The following FANCI variants were observed in gnomAD, a reference collection of about 807,000 sequenced individuals.
The protein encoded by FANCI is Fanconi anemia group I protein.
A neutral mutation model predicts 176.1 loss-of-function variants in FANCI; 156 were observed. The ratio of observed to expected loss-of-function variants is 0.89; its 90% CI spans 0.78 to 1.01. The LOEUF is 1.01. Among genes scored for constraint, FANCI ranks in the 50% least tolerant of loss-of-function variants. The pLI, the probability that FANCI is intolerant of heterozygous loss-of-function variation, is 0.00. For synonymous variants in FANCI, 613 were observed against 541.7 expected (o/e 1.13, Z -1.83); for missense variants, 1,678 against 1,534.1 (o/e 1.09, Z -1.57).
In FANCI at chr15:89,316,847, G is replaced by C. The variant is rs1446815923; in HGVS notation, c.*388G>C. 6.4e-7 allele frequency: 1 copy of C among 1,574,684 alleles called. No homozygotes were observed. Among genetic ancestry groups the C allele is most frequent in the Non-Finnish European group, 8.7e-7 (1 of 1,144,128 alleles). On this transcript the variant is annotated 3_prime_UTR_variant, in exon 38 of 38. Coordinates refer to ENST00000310775, the MANE Select transcript of FANCI (RefSeq NM_001113378.2). ...CTTCACCTGAAAGATAGTGCAAATT[G>C]GTTAGGATGCCACCTCAAGAACTGT...
At chr15:89,274,418 A>G (rs968003689) in intron 12 of FANCI, 114 bp downstream of exon 12, 1 of 1,159,792 alleles carries the variant, frequency 8.6e-7, no homozygotes. Context: ...ACAGCTGTTG[A>G]CGTCACACAT....
At position 89,292,732 on chromosome 15, in the gene FANCI, G is replaced by A; in HGVS notation, c.2037G>A (p.Lys679=). The change falls in exon 21 of 38, where the codon AAG becomes AAA. Residue 679 remains lysine (K), a synonymous_variant. Transcript: ENST00000310775. ...CCIQHCLAWY[K]NTVIPLQQGE... is the part of the protein sequence containing the mutation. ...TTCAGCATTGTTTGGCCTGGTATAA[G>A]AATACAGTCATACCCTTACAGCAGG... 6.2e-7 allele frequency: 1 copy of A among 1,613,864 alleles called. No homozygotes were observed. Among genetic ancestry groups the A allele is most frequent in the South Asian group, 1.1e-5 (1 of 91,082 alleles).
At chr15:89,274,037 C>T in intron 11 of FANCI, 131 bp from the exon 12 acceptor site, 1 of 687,228 alleles carries the variant, frequency 1.5e-6, no homozygotes, top group Non-Finnish European at 2.4e-6. Flanking sequence ...CTCATAGGAA[C>T]AGTTATAAGG....
rs765274503 is a variant in FANCI, at chr15:89,263,441, CA to C, written c.528del (p.Gln176HisfsTer11). ...CAGGTGGGATCAGCAATATGTAATCCAACTCACCTCCATGTTCAAGTAAGCA... is the reference window on the plus strand; with the variant it reads ...CAGGTGGGATCAGCAATATGTAATCCACTCACCTCCATGTTCAAGTAAGCA... ...SGRWDQQYVI[Q>X]LTSMFKDVPL... On this transcript the variant is annotated frameshift_variant, in exon 7 of 38. Coordinates refer to ENST00000310775, the MANE Select transcript of FANCI (RefSeq NM_001113378.2). LOFTEE classifies it high-confidence loss of function. The C allele has an allele frequency of 3.7e-6, 6 of 1,612,776 alleles. No individual in the cohort carries two copies. Among genetic ancestry groups the C allele is most frequent in the Non-Finnish European group, 5.1e-6 (6 of 1,179,034 alleles).
At chr15:89,247,492 T>C in intron 1 of FANCI, 137 bp from the exon 2 acceptor site, 1 of 676,890 alleles carries the variant, frequency 1.5e-6, no homozygotes, top group Non-Finnish European at 2.7e-6. Flanking sequence ...AAGAATCAGC[T>C]ACTTAAAGAT....
At chr15:89,289,795 A>G (rs945094200) in intron 18 of FANCI, among the ~76,000 whole-genome samples, 2 of 150,734 alleles carry the variant, frequency 1.3e-5, no homozygotes, top group African/African-American at 4.9e-5. Context: ...GCTCACTGCA[A>G]CCTTCATACC....
At chr15:89,291,753 A>G in intron 20 of FANCI, 39 bp downstream of exon 20, 1 of 1,526,408 alleles carries the variant, frequency 6.6e-7, no homozygotes, top group Non-Finnish European at 9.1e-7. Flanking sequence ...TATTTTTAGT[A>G]TTAAGGATAG....
Position 89,281,238 on chromosome 15 carries a change from G to C in FANCI, c.1450G>C (p.Ala484Pro). 6.2e-7 allele frequency: 1 copy of C among 1,613,846 alleles called. No homozygotes were observed. The highest frequency in any genetic ancestry group is 8.5e-7 in the Non-Finnish European group (1 of 1,179,822). ...LQSCSSKVTE[A>P]FDYLSFLPLQ... ...AAGTTGTTCTTCTAAAGTCACAGAA[G>C]CTTTTGACTATTTGTCCTTTCTGCC... Residue 484 changes from alanine (A) to proline (P), a missense_variant, in exon 15 of 38, where the codon GCT becomes CCT. Around this residue, in one of 3 missense-constraint regions of FANCI, gnomAD observed 1,204 missense variants for 1,077.4 expected, o/e 1.12. Transcript: ENST00000310775.
chr15:89,310,137 G>A (rs1194911724), intron 34 of FANCI, among the ~76,000 whole-genome samples: 1 of 152,178 alleles, frequency 6.6e-6, no homozygotes, highest in Non-Finnish European at 1.5e-5. Flanking sequence ...AGCAGGAATT[G>A]GCACACTTTT....
In FANCI at chr15:89,301,348, G is replaced by T; in HGVS notation, c.2912G>T (p.Ser971Ile). 2.5e-6 allele frequency: 4 copies of T among 1,613,798 alleles called. No individual in the cohort carries two copies. Among genetic ancestry groups the T allele is most frequent in the Non-Finnish European group, 3.4e-6 (4 of 1,179,772 alleles). ...QFQRSLLNLL[S>I]SQEEDFNSKE... ...CAGAGGTCCTTGTTGAATTTACTTA[G>T]CAGTCAAGAGGAAGATTTTAATAGC... is the stretch of plus-strand genomic sequence containing the variant. Residue 971 changes from serine to isoleucine, a missense_variant, in exon 27 of 38, where the codon AGC (serine) becomes ATC (isoleucine). Around this residue, in one of 3 missense-constraint regions of FANCI, gnomAD observed 1,204 missense variants for 1,077.4 expected, o/e 1.12. Coordinates refer to ENST00000310775, the MANE Select transcript of FANCI (RefSeq NM_001113378.2).
rs1047838066 is a variant in FANCI, at chr15:89,247,878, T to C, written c.84+147T>C. 1.7e-5 allele frequency: 12 copies of C among 689,670 alleles called. No homozygotes were observed. The African/African-American group carries it at 2.2e-4, about 12-fold the overall frequency. 42.7% of individuals were successfully genotyped at this position (689,670 alleles called of 1,614,324 possible). Reference sequence around the variant, plus strand: ...CAAGGATTTATTTAATAATAATTTATAGATGTAAAGAAATTGGGGTGAGGG... The same window carrying C: ...CAAGGATTTATTTAATAATAATTTACAGATGTAAAGAAATTGGGGTGAGGG... On this transcript the variant is annotated intron_variant, in intron 2 of 37. Transcript: ENST00000310775.
rs772959965 is a variant in FANCI, at chr15:89,260,788, C to CG, written c.238dup (p.Asp80GlyfsTer9). The CG allele has an allele frequency of 1.2e-6, 2 of 1,613,664 alleles. No individual in the cohort carries two copies. The highest frequency in any genetic ancestry group is 8.5e-7 in the Non-Finnish European group (1 of 1,179,874). On this transcript the variant is annotated frameshift_variant, in exon 4 of 38. Transcript: ENST00000310775. LOFTEE classifies it high-confidence loss of function. ...ACTTGTTGTATCCAGTTGGTGGAAT[C>CG]GGGGGATTTGCAGAAAGAAATAGCG...
Position 89,307,479 on chromosome 15 carries a change from C to T in FANCI, c.3541C>T (p.Leu1181Phe). Reference sequence around the variant, plus strand: ...TCTAGGAATCTTTTTTTATTAGTATCTCCAGGTGTGTCAGAGCTCCGGAGG... The same window carrying T: ...TCTAGGAATCTTTTTTTATTAGTATTTCCAGGTGTGTCAGAGCTCCGGAGG... ...TTLTALVRYY[L>F]QVCQSSGGIP... The change falls in exon 33 of 38, where the codon CTC (leucine) becomes TTC (phenylalanine). Residue 1181 changes from leucine (L) to phenylalanine (F), a missense_variant. Around this residue, in one of 3 missense-constraint regions of FANCI, gnomAD observed 1,204 missense variants for 1,077.4 expected, o/e 1.12. Transcript: ENST00000310775. The T allele has an allele frequency of 3.7e-6, 6 of 1,613,946 alleles. No homozygotes were observed. The highest frequency in any genetic ancestry group is 5.1e-6 in the Non-Finnish European group (6 of 1,179,890).
intron 1 of FANCI, chr15:89,245,437 T>G: frequency 7.1e-6 from 1 of 140,394 alleles, no homozygotes; most frequent in Non-Finnish European, 1.5e-5. Context: ...GACCTAGTGA[T>G]CCGCCCGCCT....
chr15:89,302,946 T>G (rs2054581066), intron 27 of FANCI, among the ~76,000 whole-genome samples: 1 of 152,194 alleles, frequency 6.6e-6, no homozygotes, highest in Non-Finnish European at 1.5e-5. Flanking sequence ...TCAAGAGATT[T>G]ATGGTAAATG....
intron 19 of FANCI, 77 bp downstream of exon 19, chr15:89,290,358 C>T: frequency 2.6e-5 from 29 of 1,136,966 alleles, no homozygotes; most frequent in Non-Finnish European, 3.9e-5. Flanking sequence ...TCAGACCTTT[C>T]AAAATATAAA....
intron 9 of FANCI, among the ~76,000 whole-genome samples, chr15:89,268,171 G>A (rs988572595): frequency 2.1e-4 from 32 of 152,212 alleles, no homozygotes; most frequent in Admixed American, 1.1e-3. Context: ...CTTGGCTCAC[G>A]GCAACGTCCA....
At chr15:89,290,172 C>G in intron 18 of FANCI, 41 bp from the exon 19 acceptor site, 1 of 1,441,272 alleles carries the variant, frequency 6.9e-7, no homozygotes. Context: ...TCACTAGTAT[C>G]TCTGTTAAAG....
chr15:89,264,116 A>G, intron 8 of FANCI, 90 bp downstream of exon 8: 1 of 1,402,294 alleles, frequency 7.1e-7, no homozygotes, highest in Non-Finnish European at 1.0e-6. Context: ...TATATAGCAG[A>G]GCAAACATAG....
Sources: gnomAD v4.1 joint callset for allele counts (sites outside exome capture counted in the v4.1 genomes callset) on GRCh38, gnomAD v4.1.1 for gene constraint, gnomAD v4.1.1 regional missense constraint, MANE v1.5 for transcripts, NCBI Gene and HGNC (gene_info 2026-07-23, HGNC 2026-07-21) for gene names.